Variants in THSD7B observed in about 807,000 individuals in gnomAD.
THSD7B encodes the protein thrombospondin type 1 domain containing 7B.
In THSD7B, 138 loss-of-function variants were observed where a neutral mutation model predicts 213.6. The ratio of observed to expected loss-of-function variants is 0.65; its 90% confidence interval spans 0.56 to 0.74. THSD7B has a LOEUF of 0.74. Ranked by LOEUF, THSD7B falls within the 30% of genes least tolerant of loss-of-function variation. The pLI, the probability that THSD7B is intolerant of heterozygous loss-of-function variation, is 0.00. For synonymous variants in THSD7B, 742 were observed against 687.0 expected, an observed-to-expected ratio of 1.08 and a Z score of -1.25; for missense variants, 1,931 against 1,991.5, an observed-to-expected ratio of 0.97 and a Z score of 0.58.
intron 2 of THSD7B, among the ~76,000 whole-genome samples, chr2:136,960,518 G>A (rs1286768935): frequency 6.6e-6 from 1 of 152,274 alleles, no homozygotes; most frequent in Non-Finnish European, 1.5e-5. Context: ...CGGGGTAACT[G>A]TGGGAGGGGA....
chr2:137,573,674 A>G (rs972982242), intron 17 of THSD7B, among the ~76,000 whole-genome samples: 5 of 152,142 alleles, frequency 3.3e-5, no homozygotes, highest in Admixed American at 3.3e-4. Context: ...AGGTACATGT[A>G]GGAACTATTC....
intron 3 of THSD7B, among the ~76,000 whole-genome samples, chr2:137,072,385 T>C (rs971263679): frequency 4.6e-5 from 7 of 150,738 alleles, no homozygotes; most frequent in Non-Finnish European, 1.0e-4. Context: ...AATGGGAGTT[T>C]ACTCATGATT....
chr2:137,474,866 A>G (rs1688163626), intron 15 of THSD7B, among the ~76,000 whole-genome samples: 1 of 152,200 alleles, frequency 6.6e-6, no homozygotes, highest in Non-Finnish European at 1.5e-5. Flanking sequence ...GGCATATACT[A>G]ATCCTTGATC....
intron 3 of THSD7B, among the ~76,000 whole-genome samples, chr2:137,073,332 G>A (rs140266633): frequency 6.6e-6 from 1 of 152,134 alleles, no homozygotes; most frequent in Admixed American, 6.5e-5. Flanking sequence ...TTTAGTCTTG[G>A]GAGGATGTAT....
intron 12 of THSD7B, among the ~76,000 whole-genome samples, chr2:137,383,405 G>A (rs910770674): frequency 1.3e-5 from 2 of 152,148 alleles, no homozygotes; most frequent in Non-Finnish European, 2.9e-5. Context: ...AAAACCCTCA[G>A]CCTAGGGGGT....
At chr2:136,798,798 C>T (rs1682117642) in intron 1 of THSD7B, among the ~76,000 whole-genome samples, 1 of 151,968 alleles carries the variant, frequency 6.6e-6, no homozygotes, top group South Asian at 2.1e-4. Flanking sequence ...TGCAGTTTAC[C>T]CAACCAATTT....
chr2:137,204,956 A>G (rs1235703496), intron 7 of THSD7B, among the ~76,000 whole-genome samples: 1 of 152,088 alleles, frequency 6.6e-6, no homozygotes, highest in African/African-American at 2.4e-5. Flanking sequence ...TCATCAGGGA[A>G]TACTGCATTT....
At chr2:137,044,632 C>T (rs940792778) in intron 2 of THSD7B, among the ~76,000 whole-genome samples, 9 of 152,048 alleles carry the variant, frequency 5.9e-5, no homozygotes, top group African/African-American at 2.2e-4. Flanking sequence ...AGATTAATAA[C>T]CATAATAAAA....
At chr2:137,323,592 T>G (rs1439336886) in intron 12 of THSD7B, among the ~76,000 whole-genome samples, 1 of 152,170 alleles carries the variant, frequency 6.6e-6, no homozygotes, top group South Asian at 2.1e-4. Context: ...TAGGCTTGAA[T>G]CTCTTCTTTG....
intron 2 of THSD7B, among the ~76,000 whole-genome samples, chr2:136,959,766 A>G (rs1021550873): frequency 6.6e-6 from 1 of 152,230 alleles, no homozygotes; most frequent in African/African-American, 2.4e-5. Flanking sequence ...ATAAACACAT[A>G]AACATAGGAG....
intron 5 of THSD7B, among the ~76,000 whole-genome samples, chr2:137,124,570 G>A (rs993930440): frequency 6.6e-6 from 1 of 152,094 alleles, no homozygotes. Context: ...AGGGGAAAGG[G>A]GGGAGGGATT....
intron 7 of THSD7B, among the ~76,000 whole-genome samples, chr2:137,204,747 A>G (rs573835952): frequency 1.3e-5 from 2 of 152,010 alleles, no homozygotes; most frequent in South Asian, 4.1e-4. Flanking sequence ...GAAATCAACT[A>G]TCTTAAGAAG....
intron 1 of THSD7B, among the ~76,000 whole-genome samples, chr2:136,822,677 A>G (rs1197540344): frequency 6.6e-6 from 1 of 152,206 alleles, no homozygotes; most frequent in African/African-American, 2.4e-5. Flanking sequence ...ATCTAATAAA[A>G]TAAGGAAGGG....
At chr2:136,872,922 T>C (rs1262221010) in intron 1 of THSD7B, among the ~76,000 whole-genome samples, 1 of 146,942 alleles carries the variant, frequency 6.8e-6, no homozygotes, top group African/African-American at 2.5e-5. Context: ...TACCATAGGG[T>C]TGCATAACTG....
intron 1 of THSD7B, among the ~76,000 whole-genome samples, chr2:136,879,671 T>C (rs1024499464): frequency 6.6e-6 from 1 of 152,106 alleles, no homozygotes; most frequent in African/African-American, 2.4e-5. Context: ...TTTATTCTCT[T>C]TGAAGCAATT....
At chr2:137,404,428 GAGATATATATATAT>G (rs1686446794) in intron 12 of THSD7B, among the ~76,000 whole-genome samples, 1 of 64,470 alleles carries the variant, frequency 1.6e-5, no homozygotes, top group Admixed American at 2.6e-4. Context: ...AAGAAACTCT[GAGATATATATATAT>G]ATATATATAT....
chr2:137,312,558 G>C (rs1683944920), intron 12 of THSD7B, among the ~76,000 whole-genome samples: 1 of 151,642 alleles, frequency 6.6e-6, no homozygotes, highest in Admixed American at 6.6e-5. Context: ...GCTTTTGAAT[G>C]TGTTTGCCCT....
chr2:137,297,443 T>C (rs1485289225), intron 12 of THSD7B, among the ~76,000 whole-genome samples: 1 of 151,950 alleles, frequency 6.6e-6, no homozygotes, highest in African/African-American at 2.4e-5. Context: ...TTCTTTCTTT[T>C]TTTAAGCTGC....
intron 12 of THSD7B, among the ~76,000 whole-genome samples, chr2:137,364,455 G>C (rs909744118): frequency 6.6e-6 from 1 of 152,146 alleles, no homozygotes; most frequent in African/African-American, 2.4e-5. Flanking sequence ...AAGTCAAATT[G>C]TCCCTTTTTG....
Sources: gnomAD v4.1 joint callset for allele counts (sites outside exome capture counted in the v4.1 genomes callset) on GRCh38, gnomAD v4.1.1 for gene constraint, MANE v1.5 for transcripts, NCBI Gene and HGNC (gene_info 2026-07-23, HGNC 2026-07-21) for gene names.